The following JRK variants were observed in gnomAD, a reference collection of about 807,000 sequenced individuals.
The protein encoded by JRK is Jrk helix-turn-helix protein, also known as jerky protein homolog.
For synonymous variants in JRK, 303 were observed against 218.1 expected (o/e 1.39, Z -3.43); for missense variants, 720 against 509.2 (o/e 1.41, Z -3.98).
Position 142,663,965 on chromosome 8 carries a change from C to T in JRK, c.*387G>A, listed in dbSNP as rs1189390569. The T allele has an allele frequency of 6.9e-6, 7 of 1,017,502 alleles. No homozygotes were observed. In the African/African-American group the frequency reaches 8.5e-5, roughly 12 times the overall value. 63.0% of individuals were successfully genotyped at this position (1,017,502 alleles called of 1,614,324 possible). ...GGCCTCCTGTCGGCCTGGAGGGCAACTTCTCTCCACGTGGACAGACTGACA... is the reference window on the plus strand; with the variant it reads ...GGCCTCCTGTCGGCCTGGAGGGCAATTTCTCTCCACGTGGACAGACTGACA... On this transcript the variant is annotated 3_prime_UTR_variant, in exon 2 of 2. Coordinates refer to ENST00000612905, the MANE Select transcript of JRK (RefSeq NM_003724.4).
Position 142,665,075 on chromosome 8 carries a change from C to A in JRK, c.984G>T (p.Val328=), listed in dbSNP as rs1403626109. ...IFLPASVASL[V]QPMEQGIRRD... ...TCCGAATGCCCTGCTCCATGGGCTGCACCAATGAGGCCACGCTGGCAGGCA... is the reference window on the plus strand; with the variant it reads ...TCCGAATGCCCTGCTCCATGGGCTGAACCAATGAGGCCACGCTGGCAGGCA... The change falls in exon 2 of 2, where the codon GTG becomes GTT. Residue 328 remains valine, a synonymous_variant. Transcript: ENST00000612905. The A allele has an allele frequency of 4.2e-6, 3 of 717,732 alleles. No individual in the cohort carries two copies. Among genetic ancestry groups the A allele is most frequent in the Admixed American group, 2.0e-5 (1 of 50,008 alleles). 44.5% of individuals were successfully genotyped at this position (717,732 alleles called of 1,614,324 possible).
chr8:142,652,329 T>C, the JRK span, among the ~76,000 whole-genome samples: 1 of 152,300 alleles, frequency 6.6e-6, no homozygotes, highest in Admixed American at 6.5e-5. Context: ...GGTCCTGACA[T>C]GTGCCCAAGG....
At position 142,660,415 on chromosome 8, in the gene JRK, G is replaced by A; in HGVS notation, c.*3937C>T. The A allele has an allele frequency of 1.0e-6, 1 of 985,432 alleles. No homozygotes were observed. The highest frequency in any genetic ancestry group is 1.2e-6 in the Non-Finnish European group (1 of 829,996). 61.0% of individuals were successfully genotyped at this position (985,432 alleles called of 1,614,324 possible). ...CCCAAAGCACATTTTGTTATTTTTT[G>A]TTTTTAGAGATTAGGTCTCTCACTC... On this transcript the variant is annotated 3_prime_UTR_variant, in exon 2 of 2. Coordinates refer to ENST00000612905, the MANE Select transcript of JRK (RefSeq NM_003724.4).
At chr8:142,667,702 G>A (rs1847175394) in intron 1 of JRK, among the ~76,000 whole-genome samples, 2 of 152,176 alleles carry the variant, frequency 1.3e-5, no homozygotes, top group African/African-American at 4.8e-5. Flanking sequence ...ACACACCTTT[G>A]ACCAATAGGA....
chr8:142,664,577 A>G lies in JRK; in HGVS notation c.1482T>C (p.Phe494=). The change falls in exon 2 of 2, where the codon TTT becomes TTC. Residue 494 remains phenylalanine (F), a synonymous_variant. Coordinates refer to ENST00000612905, the MANE Select transcript of JRK (RefSeq NM_003724.4). ...GCTCCGCAAAGCGCAGGACTGCGTC[A>G]AAGGCCACGGCCGCCTGCTCCCAGG... The part of the protein sequence containing the change: ...EVAWEQAAVA[F]DAVLRFAERQ... 6.2e-7 allele frequency: 1 copy of G among 1,608,894 alleles called. No homozygotes were observed. Among genetic ancestry groups the G allele is most frequent in the Non-Finnish European group, 8.5e-7 (1 of 1,178,674 alleles).
At position 142,664,985 on chromosome 8, in the gene JRK, G is replaced by T; in HGVS notation, c.1074C>A (p.Asn358Lys). 1.4e-6 allele frequency: 1 copy of T among 731,012 alleles called. No individual in the cohort carries two copies. Among genetic ancestry groups the T allele is most frequent in the Non-Finnish European group, 2.5e-6 (1 of 394,940 alleles). 45.3% of individuals were successfully genotyped at this position (731,012 alleles called of 1,614,324 possible). ...CCACGCTGAATATGGCATCGTTCAT[G>T]TTGTAGCGGGCGTGGGGGCCCTGCA... ...VPLQGPHARY[N>K]MNDAIFSVAC... The change falls in exon 2 of 2, where the codon AAC (asparagine) becomes AAA (lysine). Residue 358 changes from asparagine (N) to lysine (K), a missense_variant. Transcript: ENST00000612905.
downstream of JRK, among the ~76,000 whole-genome samples, chr8:142,655,186 C>T (rs587734597): frequency 1.1e-4 from 16 of 152,324 alleles, no homozygotes; most frequent in African/African-American, 3.4e-4. Context: ...TTACTGCCCA[C>T]ACAGAGACCC....
Position 142,665,612 on chromosome 8 carries a change from A to G in JRK, c.447T>C (p.Asp149=). 1 of 718,546 alleles carries G rather than the reference A, an allele frequency of 1.4e-6. No individual in the cohort carries two copies. Among genetic ancestry groups the G allele is most frequent in the Non-Finnish European group, 2.6e-6 (1 of 385,100 alleles). 44.5% of individuals were successfully genotyped at this position (718,546 alleles called of 1,614,324 possible). A position where few individuals can be genotyped will look rare whatever the true frequency, so the allele number is the denominator to read the frequency against. The part of the protein sequence containing the change: ...FKARHGIKKL[D]ASSEKQSADH... ...CGGCTGACTGCTTTTCACTGGATGC[A>G]TCTAGCTTTTTAATGCCGTGTCTGG... Residue 149 remains aspartate, a synonymous_variant, in exon 2 of 2, where the codon GAT becomes GAC. Transcript: ENST00000612905.
At chr8:142,669,393 C>T (rs1483013484) in intron 1 of JRK, among the ~76,000 whole-genome samples, 1 of 151,982 alleles carries the variant, frequency 6.6e-6, no homozygotes, top group Non-Finnish European at 1.5e-5. Flanking sequence ...CCGCTAGGAG[C>T]CCTCCACGCT....
In JRK at chr8:142,669,923, C is replaced by T. The variant is rs1180599609; in HGVS notation, c.-463+9G>A. The T allele has an allele frequency of 6.5e-6, 1 of 153,024 alleles. No individual in the cohort carries two copies. Among genetic ancestry groups the T allele is most frequent in the Non-Finnish European group, 1.5e-5 (1 of 68,222 alleles). The allele number at this position is 153,024 out of a possible 1,614,324, so 9.5% of individuals were successfully genotyped here. A position where few individuals can be genotyped will look rare whatever the true frequency, so the allele number is the denominator to read the frequency against. On this transcript the variant is annotated intron_variant, in intron 1 of 1. Transcript: ENST00000612905. The stretch of plus-strand genomic sequence containing the variant: ...GCCGCCCAGCGCCTCAGGCCAGGAC[C>T]CTACTCACCCTGCTCACCCGGAGCA...
Position 142,658,823 on chromosome 8 carries a change from C to G in JRK, c.*5529G>C. Reference sequence around the variant, plus strand: ...CTGGTGGGGACAGAGGGGTCTTACCCAGCACTGCCATGTGGCAGAAGTTCT... The same window carrying G: ...CTGGTGGGGACAGAGGGGTCTTACCGAGCACTGCCATGTGGCAGAAGTTCT... On this transcript the variant is annotated 3_prime_UTR_variant, in exon 2 of 2. Coordinates refer to ENST00000612905, the MANE Select transcript of JRK (RefSeq NM_003724.4). 6.2e-7 allele frequency: 1 copy of G among 1,601,806 alleles called. No homozygotes were observed. The highest frequency in any genetic ancestry group is 2.2e-5 in the East Asian group (1 of 44,498).
At chr8:142,651,424 T>C in the JRK span, among the ~76,000 whole-genome samples, 1 of 150,724 alleles carries the variant, frequency 6.6e-6, no homozygotes, top group Admixed American at 6.6e-5. Context: ...GGCAGAACCC[T>C]AGGCATTGAA....
rs1408144231 is a variant in JRK at position 142,665,506 on chromosome 8, T to C, written c.553A>G (p.Asn185Asp). ...CAGAAAAGGCCGGTCTCATCAGCGT[T>C]GTAAACCTGCTCGGCGGACAGCCCG... ...EHGLSAEQVY[N>D]ADETGLFWRC... Residue 185 changes from asparagine to aspartate, a missense_variant, in exon 2 of 2, where the codon AAC becomes GAC. Asn to Asp is a conservative substitution (Grantham distance 23). Coordinates refer to ENST00000612905, the MANE Select transcript of JRK (RefSeq NM_003724.4). 1.4e-6 allele frequency: 1 copy of C among 718,264 alleles called. No individual in the cohort carries two copies. Among genetic ancestry groups the C allele is most frequent in the Admixed American group, 2.0e-5 (1 of 50,030 alleles). 44.5% of individuals were successfully genotyped at this position (718,264 alleles called of 1,614,324 possible). A position where few individuals can be genotyped will look rare whatever the true frequency, so the allele number is the denominator to read the frequency against.
Position 142,659,877 on chromosome 8 carries a change from A to C in JRK, c.*4475T>G. On this transcript the variant is annotated 3_prime_UTR_variant, in exon 2 of 2. Coordinates refer to ENST00000612905, the MANE Select transcript of JRK (RefSeq NM_003724.4). ...CCCTGGGCCCCAGTCTCATCCCTAA[A>C]CAGGAGTGACCCCACCTCATTTCAT... The C allele has an allele frequency of 4.1e-6, 4 of 985,574 alleles. No homozygotes were observed. The highest frequency in any genetic ancestry group is 4.8e-6 in the Non-Finnish European group (4 of 830,044). The allele number at this position is 985,574 out of a possible 1,614,324, so 61.1% of individuals were successfully genotyped here. A position where few individuals can be genotyped will look rare whatever the true frequency, so the allele number is the denominator to read the frequency against.
Position 142,662,048 on chromosome 8 carries a change from G to A in JRK, c.*2304C>T. ...GGAGCAGGGCCCGAGTCCCCTGGGT[G>A]GCACAAGGGATTCCAGCCACAAGGG... is the stretch of plus-strand genomic sequence containing the variant. On this transcript the variant is annotated 3_prime_UTR_variant, in exon 2 of 2. Transcript: ENST00000612905. 1.0e-6 allele frequency: 1 copy of A among 985,466 alleles called. No individual in the cohort carries two copies. Among genetic ancestry groups the A allele is most frequent in the Non-Finnish European group, 1.2e-6 (1 of 829,984 alleles). 61.0% of individuals were successfully genotyped at this position (985,466 alleles called of 1,614,324 possible).
chr8:142,668,020 G>T (rs1191632951), intron 1 of JRK, among the ~76,000 whole-genome samples: 1 of 152,212 alleles, frequency 6.6e-6, no homozygotes, highest in African/African-American at 2.4e-5. Flanking sequence ...AAAGCTGTTT[G>T]CCCAAACACC....
At chr8:142,650,114 G>A in the JRK span, among the ~76,000 whole-genome samples, 1 of 152,260 alleles carries the variant, frequency 6.6e-6, no homozygotes, top group Admixed American at 6.5e-5. Context: ...TGCACTGCTG[G>A]ATTTCAGACT....
Position 142,664,993 on chromosome 8 carries a change from G to A in JRK, c.1066C>T (p.Arg356Cys), listed in dbSNP as rs781863311. The change falls in exon 2 of 2, where the codon CGC (arginine) becomes TGC (cysteine). Residue 356 changes from arginine (R) to cysteine (C), a missense_variant. Arg to Cys is a radical substitution (Grantham distance 180, BLOSUM62 -3). Coordinates refer to ENST00000612905, the MANE Select transcript of JRK (RefSeq NM_003724.4). ...AATATGGCATCGTTCATGTTGTAGC[G>A]GGCGTGGGGGCCCTGCAGGGGGACC... Reference protein sequence around the residue: ...PPVPLQGPHARYNMNDAIFSV... With the variant: ...PPVPLQGPHACYNMNDAIFSV... The A allele has an allele frequency of 2.1e-5, 15 of 724,364 alleles. No homozygotes were observed. Among genetic ancestry groups the A allele is most frequent in the South Asian group, 1.0e-4 (7 of 68,114 alleles). The allele number at this position is 724,364 out of a possible 1,614,324, so 44.9% of individuals were successfully genotyped here.
At chr8:142,645,410 T>C in the JRK span, among the ~76,000 whole-genome samples, 4 of 152,202 alleles carry the variant, frequency 2.6e-5, no homozygotes, top group Non-Finnish European at 5.9e-5. Context: ...CTGGGCACGA[T>C]GGCTCATGCC....
Sources: allele counts gnomAD v4.1 joint callset (sites outside exome capture counted in the v4.1 genomes callset), GRCh38; gene constraint gnomAD v4.1.1; transcripts MANE v1.5; gene names NCBI Gene and HGNC (gene_info 2026-07-23, HGNC 2026-07-21).